Variants in NRXN3 observed in about 807,000 individuals in gnomAD.
NRXN3 encodes neurexin III.
A neutral mutation model predicts 137.6 loss-of-function variants in NRXN3; 32 were observed. That is an observed-to-expected ratio of 0.23 (90% CI 0.18 to 0.31). NRXN3 has a LOEUF of 0.31. Among genes scored for constraint, NRXN3 ranks in the 10% least tolerant of loss-of-function variants. NRXN3 has a pLI of 1.00. For synonymous variants in NRXN3, 798 were observed against 784.5 expected, an observed-to-expected ratio of 1.02 and a Z score of -0.29; for missense variants, 1,574 against 2,062.5, an observed-to-expected ratio of 0.76 and a Z score of 4.59.
At chr14:78,841,266 A>T (rs991823511) in intron 10 of NRXN3, among the ~76,000 whole-genome samples, 6 of 152,064 alleles carry the variant, frequency 3.9e-5, no homozygotes, top group African/African-American at 1.4e-4. Flanking sequence ...CTTTGTTGGT[A>T]TTTAGAACCA....
At chr14:79,508,389 G>GTTTTTTTTTTTTTTTTTTTTTTT (rs1567328889) in intron 16 of NRXN3, among the ~76,000 whole-genome samples, 5 of 12,554 alleles carry the variant, frequency 4.0e-4, no homozygotes, top group Non-Finnish European at 6.2e-4. Flanking sequence ...AACAATAACT[G>GTTTTTTTTTTTTTTTTTTTTTTT]ATTTTTTTTT....
At chr14:78,405,299 G>A (rs150611324) in intron 4 of NRXN3, among the ~76,000 whole-genome samples, 1 of 152,174 alleles carries the variant, frequency 6.6e-6, no homozygotes, top group East Asian at 1.9e-4. Context: ...TGAATGTTTT[G>A]CCCTTTGGAG....
At chr14:78,604,398 C>T (rs934734309) in intron 4 of NRXN3, among the ~76,000 whole-genome samples, 2 of 151,400 alleles carry the variant, frequency 1.3e-5, no homozygotes, top group East Asian at 1.9e-4. Flanking sequence ...TAAATACTTA[C>T]GGTATCATTG....
chr14:78,282,075 A>C (rs779533642), intron 3 of NRXN3: 1 of 473,780 alleles, frequency 2.1e-6, no homozygotes, highest in East Asian at 6.2e-5. Context: ...AAGGAGTGCA[A>C]ACTGAGGCCC....
At chr14:79,623,318 G>C (rs550413574) in intron 16 of NRXN3, among the ~76,000 whole-genome samples, 31 of 152,220 alleles carry the variant, frequency 2.0e-4, no homozygotes, top group Middle Eastern at 3.4e-3. Flanking sequence ...ACACATTTTG[G>C]GGTGGAAATG....
intron 10 of NRXN3, among the ~76,000 whole-genome samples, chr14:78,820,814 A>T (rs1205885925): frequency 6.6e-6 from 1 of 152,200 alleles, no homozygotes; most frequent in Non-Finnish European, 1.5e-5. Flanking sequence ...TAAAATGTGT[A>T]TGTGTCCCAA....
chr14:78,714,631 A>T, intron 7 of NRXN3, 125 bp from the exon 8 acceptor site: 1 of 1,071,676 alleles, frequency 9.3e-7, no homozygotes, highest in Non-Finnish European at 1.4e-6. Flanking sequence ...TGTAACATCT[A>T]ATTCTCTTGC....
chr14:78,991,166 A>G (rs1191046773), intron 15 of NRXN3, among the ~76,000 whole-genome samples: 1 of 152,192 alleles, frequency 6.6e-6, no homozygotes, highest in African/African-American at 2.4e-5. Context: ...GAGGAAGAAT[A>G]ATGATGAAAA....
chr14:79,217,377 C>G (rs937537235), intron 15 of NRXN3, among the ~76,000 whole-genome samples: 5 of 152,080 alleles, frequency 3.3e-5, no homozygotes, highest in African/African-American at 1.2e-4. Flanking sequence ...AGAGAACTCA[C>G]TCATTACTAA....
chr14:79,559,866 G>A (rs932843482), intron 16 of NRXN3, among the ~76,000 whole-genome samples: 1 of 152,094 alleles, frequency 6.6e-6, no homozygotes. Context: ...GTATGTACTT[G>A]GAAAAAGTGT....
intron 15 of NRXN3, among the ~76,000 whole-genome samples, chr14:79,000,754 G>A (rs2099539746): frequency 6.6e-6 from 1 of 152,118 alleles, no homozygotes; most frequent in Non-Finnish European, 1.5e-5. Flanking sequence ...CAACATACAT[G>A]TCATGGACAC....
intron 4 of NRXN3, among the ~76,000 whole-genome samples, chr14:78,450,203 A>G (rs2094518909): frequency 6.6e-6 from 1 of 152,260 alleles, no homozygotes; most frequent in Non-Finnish European, 1.5e-5. Flanking sequence ...TTACCCAGTC[A>G]TTTGTACTGT....
chr14:79,073,553 G>T (rs2099691149), intron 15 of NRXN3, among the ~76,000 whole-genome samples: 1 of 152,140 alleles, frequency 6.6e-6, no homozygotes, highest in Non-Finnish European at 1.5e-5. Flanking sequence ...AAGTTACTAG[G>T]ACCAGTGTTT....
At chr14:79,741,835 A>G (rs370799089) in intron 19 of NRXN3, among the ~76,000 whole-genome samples, 4 of 149,618 alleles carry the variant, frequency 2.7e-5, no homozygotes, top group African/African-American at 9.8e-5. Flanking sequence ...CACACAGAGT[A>G]TGTATACGTA....
chr14:79,638,160 C>G (rs2098415371), intron 16 of NRXN3, among the ~76,000 whole-genome samples: 1 of 152,192 alleles, frequency 6.6e-6, no homozygotes, highest in South Asian at 2.1e-4. Flanking sequence ...CCCCTCCTTT[C>G]TAGCCTGTGG....
intron 19 of NRXN3, among the ~76,000 whole-genome samples, chr14:79,699,156 A>G (rs2098745675): frequency 6.6e-6 from 1 of 151,988 alleles, no homozygotes; most frequent in Non-Finnish European, 1.5e-5. Flanking sequence ...ACCGTCACAC[A>G]TGCTATTACC....
At chr14:79,645,629 AAG>A (rs2098450315) in intron 16 of NRXN3, among the ~76,000 whole-genome samples, 1 of 133,678 alleles carries the variant, frequency 7.5e-6, no homozygotes, top group African/African-American at 2.5e-5. Context: ...AAAAAAAAAA[AAG>A]TTTTTTTCGT....
At chr14:79,554,384 T>C (rs1008656390) in intron 16 of NRXN3, among the ~76,000 whole-genome samples, 7 of 152,324 alleles carry the variant, frequency 4.6e-5, no homozygotes, top group East Asian at 1.9e-4. Context: ...TAGTTCTTCA[T>C]TGAGCATGAC....
chr14:79,450,150 TC>T, intron 15 of NRXN3, among the ~76,000 whole-genome samples: 1 of 152,122 alleles, frequency 6.6e-6, no homozygotes, highest in Non-Finnish European at 1.5e-5. Context: ...AATTCTTACT[TC>T]CCAAACAGCA....
Sources: gnomAD v4.1 joint callset for allele counts (sites outside exome capture counted in the v4.1 genomes callset) on GRCh38, gnomAD v4.1.1 for gene constraint, MANE v1.5 for transcripts, NCBI Gene and HGNC (gene_info 2026-07-23, HGNC 2026-07-21) for gene names.